TSBP1: variants seen among roughly 807,000 people sequenced by gnomAD.
The protein encoded by TSBP1 is testis-expressed basic protein 1.
A neutral mutation model predicts 68.8 loss-of-function variants in TSBP1; 56 were observed. That is an observed-to-expected ratio of 0.81 (90% CI 0.66 to 1.02). TSBP1 has a LOEUF of 1.02. TSBP1 is among the 50% of genes least tolerant of loss of function. TSBP1 has a pLI of 0.00. For missense variants in TSBP1, 502 were observed against 641.2 expected (o/e 0.78, Z 2.34); for synonymous variants, 171 against 208.7 (o/e 0.82, Z 1.56).
At chr6:32,322,128 T>A (rs1767698732) in intron 18 of TSBP1, among the ~76,000 whole-genome samples, 1 of 152,172 alleles carries the variant, frequency 6.6e-6, no homozygotes, top group Non-Finnish European at 1.5e-5. Flanking sequence ...CGATGTTAGG[T>A]TTGCTTAAAT....
intron 8 of TSBP1, among the ~76,000 whole-genome samples, chr6:32,354,385 C>G (rs544315602): frequency 4.9e-4 from 74 of 152,060 alleles, no homozygotes; most frequent in Non-Finnish European, 6.9e-4. Context: ...TATACGTATT[C>G]AAGTGGCAAT....
rs1773564043 is a variant in TSBP1 at position 32,365,292 on chromosome 6, T to C, written c.217+875A>G. 6.6e-6 allele frequency: 3 copies of C among 456,878 alleles called. No individual in the cohort carries two copies. Among genetic ancestry groups the C allele is most frequent in the Non-Finnish European group, 1.3e-5 (3 of 226,982 alleles). The allele number at this position is 456,878 out of a possible 1,614,324, so 28.3% of individuals were successfully genotyped here. ...TTTCCCTAGGGTGGTGCTCTGGAAT[T>C]CTCAAGTTTGTGTCCTTTTTTCCAA... On this transcript the variant is annotated intron_variant, in intron 6 of 22. Transcript: ENST00000612031. The surrounding 1 kb of genome is among the most constrained non-coding windows in gnomAD (Gnocchi z 4.3).
In TSBP1 at chr6:32,306,064, A is replaced by G. The variant is rs1039186757; in HGVS notation, c.581-3435T>C. ...AAGGGTCATAACACATTTGTATGAC[A>G]GTGAAACAGCAAAATAACTAACATG... On this transcript the variant is annotated intron_variant, in intron 19 of 22. Coordinates refer to ENST00000612031, the Ensembl canonical transcript of TSBP1. This position sits in a 1 kb window ranked among gnomAD's most constrained non-coding sequence, Gnocchi z 5.1. Among the ~76,000 whole-genome samples the G allele has an allele frequency of 6.6e-6, 1 of 152,232 alleles. No homozygotes were observed. The highest frequency in any genetic ancestry group is 2.4e-5 in the African/African-American group (1 of 41,464).
chr6:32,310,761 A>ATATATATATATTTTTTTTTT lies in TSBP1; in HGVS notation c.580+5010_580+5011insAAAAAAAAAATATATATATA. On this transcript the variant is annotated intron_variant, in intron 19 of 22. Coordinates refer to ENST00000612031, the Ensembl canonical transcript of TSBP1. The stretch of plus-strand genomic sequence containing the variant: ...TATATATACATATATATATATATAT[A>ATATATATATATTTTTTTTTT]TTTTTAATCTTTTTAGAAAGGATAG... 1.9e-4 allele frequency among the ~76,000 whole-genome samples: 28 copies of ATATATATATATTTTTTTTTT among 144,818 alleles called. 1 individual carries two copies. Among genetic ancestry groups the ATATATATATATTTTTTTTTT allele is most frequent in the Admixed American group, 1.4e-3 (20 of 14,484 alleles).
At chr6:32,320,471 G>A (rs1339588561) in intron 18 of TSBP1, among the ~76,000 whole-genome samples, 1 of 151,974 alleles carries the variant, frequency 6.6e-6, no homozygotes, top group African/African-American at 2.4e-5. Context: ...TGAGGCTTTT[G>A]CTGTCATTTG....
In TSBP1 at chr6:32,325,189, A is replaced by T; in HGVS notation, c.515-1575T>A. The T allele has an allele frequency of 1.7e-6, 1 of 572,510 alleles. No individual in the cohort carries two copies. Among genetic ancestry groups the T allele is most frequent in the Non-Finnish European group, 3.1e-6 (1 of 325,072 alleles). The allele number at this position is 572,510 out of a possible 1,614,324, so 35.5% of individuals were successfully genotyped here. A position where few individuals can be genotyped will look rare whatever the true frequency, so the allele number is the denominator to read the frequency against. ...TGCCCATGGATGCCATGGAAGAAGC[A>T]TCATTAAAGTCTCTCTTCTCCTGGC... On this transcript the variant is annotated intron_variant, in intron 16 of 22. Coordinates refer to ENST00000612031, the Ensembl canonical transcript of TSBP1. This position sits in a 1 kb window ranked among gnomAD's most constrained non-coding sequence, Gnocchi z 4.4.
intron 14 of TSBP1, among the ~76,000 whole-genome samples, chr6:32,334,902 T>C (rs941395298): frequency 2.6e-5 from 4 of 151,952 alleles, no homozygotes; most frequent in African/African-American, 9.7e-5. Context: ...GGCGTGGTGG[T>C]GGGTGCCTGT....
At chr6:32,313,590 C>T (rs1299407407) in intron 19 of TSBP1, among the ~76,000 whole-genome samples, 1 of 151,982 alleles carries the variant, frequency 6.6e-6, no homozygotes, top group Non-Finnish European at 1.5e-5. Context: ...TCATATGGTG[C>T]TGGATTTTCT....
intron 9 of TSBP1, among the ~76,000 whole-genome samples, chr6:32,345,692 A>G (rs1353131685): frequency 2.6e-5 from 4 of 152,228 alleles, no homozygotes; most frequent in African/African-American, 9.6e-5. Flanking sequence ...CTGTTTATAC[A>G]TGTATGGGTA....
At chr6:32,354,154 T>C (rs1349868547) in intron 8 of TSBP1, among the ~76,000 whole-genome samples, 1 of 151,342 alleles carries the variant, frequency 6.6e-6, no homozygotes, top group Non-Finnish European at 1.5e-5. Context: ...AATTTAAAGC[T>C]AAGAGACAGA....
At chr6:32,349,423 T>C in intron 9 of TSBP1, 1 of 230,986 alleles carries the variant, frequency 4.3e-6, no homozygotes. Context: ...CATTTATCCC[T>C]CATTCTATAT....
At chr6:32,355,259 G>A (rs939997091) in intron 7 of TSBP1, 115 bp from the exon 8 acceptor site, 11 of 1,032,132 alleles carry the variant, frequency 1.1e-5, no homozygotes, top group East Asian at 7.4e-5. Flanking sequence ...TCTAGGCCCC[G>A]GGAGTCATCA....
intron 6 of TSBP1, among the ~76,000 whole-genome samples, chr6:32,362,969 TG>T (rs1773229901): frequency 6.6e-6 from 1 of 152,214 alleles, no homozygotes; most frequent in Non-Finnish European, 1.5e-5. Context: ...TTGTCAATAA[TG>T]GGTTACTGAA....
In TSBP1 at chr6:32,323,878, AG is replaced by A. The variant is rs1767921080; in HGVS notation, c.515-265del. The A allele has an allele frequency of 1.6e-5, 8 of 502,726 alleles. No individual in the cohort carries two copies. The South Asian group carries it at 2.0e-4, about 13-fold the overall frequency. The allele number at this position is 502,726 out of a possible 1,614,324, so 31.1% of individuals were successfully genotyped here. ...ATCTTAGCTGTACCAGGGAAAGGAGAGATTCCAGAATCCTACGGTGGTGAAA... is the reference window on the plus strand; with the variant it reads ...ATCTTAGCTGTACCAGGGAAAGGAGAATTCCAGAATCCTACGGTGGTGAAA... On this transcript the variant is annotated intron_variant, in intron 16 of 22. Coordinates refer to ENST00000612031, the Ensembl canonical transcript of TSBP1.
chr6:32,319,167 G>A lies in TSBP1; in HGVS notation c.560-3375C>T, dbSNP rs9501176. Among the ~76,000 whole-genome samples, 9 of 152,086 alleles carry A rather than the reference G, an allele frequency of 5.9e-5. No individual in the cohort carries two copies. In the South Asian group the frequency reaches 1.9e-3, roughly 32 times the overall value. On this transcript the variant is annotated intron_variant, in intron 18 of 22. Coordinates refer to ENST00000612031, the Ensembl canonical transcript of TSBP1. ...CCTAAATGAATAAATAGTCTCATTC[G>A]TCAAGTTTCTTAGACCCCAAATCTA...
At chr6:32,342,139 A>C (rs1470366174) in intron 9 of TSBP1, among the ~76,000 whole-genome samples, 3 of 133,290 alleles carry the variant, frequency 2.3e-5, no homozygotes, top group African/African-American at 2.9e-5. Context: ...TTCTCCATTC[A>C]TTTTTTCCAG....
chr6:32,369,591 G>T (rs1360451941), intron 2 of TSBP1, among the ~76,000 whole-genome samples: 3 of 152,080 alleles, frequency 2.0e-5, no homozygotes, highest in Non-Finnish European at 4.4e-5. Flanking sequence ...GGCTGGTCTT[G>T]AACTCCTGAC....
At chr6:32,310,761 A>ATATATATATTTTTTTTTTTT in intron 19 of TSBP1, among the ~76,000 whole-genome samples, 117 of 144,810 alleles carry the variant, frequency 8.1e-4, no homozygotes, top group Admixed American at 5.5e-3. Flanking sequence ...ATATATATAT[A>ATATATATATTTTTTTTTTTT]TTTTTAATCT....
At chr6:32,317,346 A>G (rs1418067538) in intron 18 of TSBP1, among the ~76,000 whole-genome samples, 1 of 152,222 alleles carries the variant, frequency 6.6e-6, no homozygotes, top group Middle Eastern at 3.2e-3. Context: ...ACCCAAAGCT[A>G]TAAAAACCCT....
Sources: allele counts gnomAD v4.1 joint callset (sites outside exome capture counted in the v4.1 genomes callset), GRCh38; gene constraint gnomAD v4.1.1; non-coding constraint Gnocchi (gnomAD v3.1); transcripts MANE v1.5; gene names NCBI Gene and HGNC (gene_info 2026-07-23, HGNC 2026-07-21).